NRG1: variants seen among roughly 807,000 people sequenced by gnomAD.
NRG1 encodes the protein pro-neuregulin-1, membrane-bound isoform.
NRG1 carries 18 observed loss-of-function variants against 63.8 expected under a neutral mutation model. That is an observed-to-expected ratio of 0.28 (90% CI 0.19 to 0.42). NRG1 has a LOEUF of 0.42. Among genes scored for constraint, NRG1 ranks in the 10% least tolerant of loss-of-function variants. NRG1 has a pLI of 1.00. For synonymous variants in NRG1, 302 were observed against 301.3 expected (o/e 1.00, Z -0.02); for missense variants, 762 against 814.7 (o/e 0.94, Z 0.79).
At chr8:32,127,723 C>T (rs1048808323) in intron 1 of NRG1, among the ~76,000 whole-genome samples, 6 of 151,712 alleles carry the variant, frequency 4.0e-5, no homozygotes, top group Admixed American at 4.0e-4. Context: ...GGAAGACACT[C>T]TTTTGCTGCT....
At chr8:32,482,398 T>TTGTGTGTGTGTGTG (rs10689849) in intron 1 of NRG1, among the ~76,000 whole-genome samples, 18,160 of 148,134 alleles carry the variant, frequency 0.12, 1,266 homozygotes, top group African/African-American at 0.18. Context: ...CTTTCTACTT[T>TTGTGTGTGTGTGTG]TGTGTGTGTG....
intron 1 of NRG1, among the ~76,000 whole-genome samples, chr8:32,202,659 G>T (rs376345011): frequency 2.6e-4 from 39 of 152,018 alleles, no homozygotes; most frequent in African/African-American, 8.4e-4. Flanking sequence ...GCAGGAAGGG[G>T]AACGGGAGAG....
chr8:31,861,897 C>T (rs1828508318), intron 1 of NRG1, among the ~76,000 whole-genome samples: 5 of 152,074 alleles, frequency 3.3e-5, no homozygotes, highest in Admixed American at 3.3e-4. Context: ...ACAGTTCACC[C>T]TGAAATGGGT....
At chr8:32,100,496 G>A (rs887437236) in intron 1 of NRG1, among the ~76,000 whole-genome samples, 1 of 151,932 alleles carries the variant, frequency 6.6e-6, no homozygotes, top group Non-Finnish European at 1.5e-5. Context: ...AGACCCCGTG[G>A]TCTTCTGGTT....
intron 1 of NRG1, among the ~76,000 whole-genome samples, chr8:31,641,367 T>C (rs1034300778): frequency 2.0e-5 from 3 of 152,020 alleles, no homozygotes; most frequent in African/African-American, 4.8e-5. Flanking sequence ...CTCAAGAAAT[T>C]TTGTTTTCAC....
intron 1 of NRG1, among the ~76,000 whole-genome samples, chr8:32,210,781 A>C (rs1844623908): frequency 6.6e-6 from 1 of 152,312 alleles, no homozygotes; most frequent in South Asian, 2.1e-4. Flanking sequence ...GCAGAGTCTC[A>C]CAGTTGCTGA....
chr8:31,792,960 T>G (rs1249287630), intron 1 of NRG1, among the ~76,000 whole-genome samples: 1 of 152,214 alleles, frequency 6.6e-6, no homozygotes, highest in Non-Finnish European at 1.5e-5. Context: ...CTCACACCCA[T>G]GTAATTCACA....
chr8:32,564,373 T>C (rs540777281), intron 1 of NRG1, among the ~76,000 whole-genome samples: 2 of 152,202 alleles, frequency 1.3e-5, no homozygotes, highest in Non-Finnish European at 2.9e-5. Context: ...TTTTTTTCTC[T>C]TTCCCTGTGG....
At chr8:32,126,924 G>C (rs1285630313) in intron 1 of NRG1, among the ~76,000 whole-genome samples, 1 of 151,778 alleles carries the variant, frequency 6.6e-6, no homozygotes. Context: ...GGAAGATATG[G>C]ACTATGTCTC....
intron 1 of NRG1, among the ~76,000 whole-genome samples, chr8:32,578,303 T>C (rs771499695): frequency 6.6e-6 from 1 of 152,180 alleles, no homozygotes; most frequent in African/African-American, 2.4e-5. Flanking sequence ...CAGATCTTTT[T>C]AAATAAGATC....
At chr8:32,159,847 A>G (rs1324402775) in intron 1 of NRG1, among the ~76,000 whole-genome samples, 1 of 152,304 alleles carries the variant, frequency 6.6e-6, no homozygotes, top group African/African-American at 2.4e-5. Context: ...TTTAGAGATC[A>G]ACCGTTTCAT....
At chr8:32,488,140 T>C (rs1826128156) in intron 1 of NRG1, among the ~76,000 whole-genome samples, 1 of 152,228 alleles carries the variant, frequency 6.6e-6, no homozygotes, top group African/African-American at 2.4e-5. Context: ...CAGACCTTGT[T>C]TCTAGTAGGA....
chr8:32,130,110 TAAG>T, intron 1 of NRG1, among the ~76,000 whole-genome samples: 1 of 151,942 alleles, frequency 6.6e-6, no homozygotes, highest in East Asian at 1.9e-4. Flanking sequence ...ATTTCCAAAT[TAAG>T]GAGATCTCTG....
chr8:31,656,760 A>T (rs1323809787), intron 1 of NRG1, among the ~76,000 whole-genome samples: 1 of 152,208 alleles, frequency 6.6e-6, no homozygotes, highest in Non-Finnish European at 1.5e-5. Flanking sequence ...CCTTTCAGTG[A>T]CAAATTATTG....
intron 1 of NRG1, among the ~76,000 whole-genome samples, chr8:31,963,850 C>T (rs963150250): frequency 2.0e-5 from 3 of 152,124 alleles, no homozygotes; most frequent in African/African-American, 7.2e-5. Flanking sequence ...GAGTTATCTC[C>T]GTAACTCTAG....
intron 1 of NRG1, among the ~76,000 whole-genome samples, chr8:32,116,971 CAA>C (rs756283492): frequency 0.038 from 1,185 of 31,344 alleles, 4 homozygotes; most frequent in South Asian, 0.15. Context: ...CCTGTCTCTA[CAA>C]AAAAAAAAAA....
chr8:31,717,096 T>C (rs1199720388), intron 1 of NRG1, among the ~76,000 whole-genome samples: 1 of 152,132 alleles, frequency 6.6e-6, no homozygotes, highest in African/African-American at 2.4e-5. Context: ...GAAAATTAAG[T>C]ATTGATGATA....
intron 1 of NRG1, among the ~76,000 whole-genome samples, chr8:32,315,449 A>G (rs1420772543): frequency 6.6e-6 from 1 of 152,188 alleles, no homozygotes; most frequent in African/African-American, 2.4e-5. Flanking sequence ...TATGGTATAT[A>G]TGTACCACAT....
At chr8:32,323,917 A>C (rs1274566551) in intron 1 of NRG1, among the ~76,000 whole-genome samples, 2 of 152,210 alleles carry the variant, frequency 1.3e-5, no homozygotes, top group Non-Finnish European at 2.9e-5. Context: ...ATAGTACCAT[A>C]GTTTCAGTAA....
Sources: allele counts gnomAD v4.1 joint callset (sites outside exome capture counted in the v4.1 genomes callset), GRCh38; gene constraint gnomAD v4.1.1; transcripts MANE v1.5; gene names NCBI Gene and HGNC (gene_info 2026-07-23, HGNC 2026-07-21).